UBE2Q2: variants seen among roughly 807,000 people sequenced by gnomAD.
The protein encoded by UBE2Q2 is ubiquitin conjugating enzyme E2 Q2.
A neutral mutation model predicts 59.9 loss-of-function variants in UBE2Q2; 54 were observed. That is an observed-to-expected ratio of 0.90 (90% CI 0.72 to 1.13). UBE2Q2 has a LOEUF of 1.13. Among genes scored for constraint, UBE2Q2 ranks in the 50% most tolerant of loss-of-function variants. UBE2Q2 has a pLI of 0.00. For missense variants in UBE2Q2, 433 were observed against 441.9 expected (o/e 0.98, Z 0.18); for synonymous variants, 165 against 155.2 (o/e 1.06, Z -0.47).
intron 2 of UBE2Q2, among the ~76,000 whole-genome samples, chr15:75,856,259 G>A (rs1896900679): frequency 9.8e-6 from 1 of 102,182 alleles, no homozygotes; most frequent in African/African-American, 3.9e-5. Context: ...GTGTGTGTGT[G>A]TGTGTGTGTG....
chr15:75,876,125 G>C, intron 5 of UBE2Q2, 62 bp from the exon 6 acceptor site: 1 of 1,495,520 alleles, frequency 6.7e-7, no homozygotes, highest in Non-Finnish European at 9.2e-7. Context: ...TTTTAGATCA[G>C]GTTGAAATAT....
At chr15:75,853,178 A>T (rs1195663568) in intron 1 of UBE2Q2, among the ~76,000 whole-genome samples, 1 of 152,196 alleles carries the variant, frequency 6.6e-6, no homozygotes. Flanking sequence ...ATTGTGTTTT[A>T]AAAAAGATAT....
At chr15:75,881,411 G>A (rs1243502083) in intron 8 of UBE2Q2, among the ~76,000 whole-genome samples, 11 of 152,048 alleles carry the variant, frequency 7.2e-5, no homozygotes, top group African/African-American at 2.4e-4. Context: ...GGGAGGGGAC[G>A]ATCTGGGAGG....
At chr15:75,890,830 G>A (rs1899057039) in intron 10 of UBE2Q2, 89 bp from the exon 11 acceptor site, 2 of 1,062,018 alleles carry the variant, frequency 1.9e-6, no homozygotes, top group Non-Finnish European at 2.8e-6. Flanking sequence ...CTGATTTGCT[G>A]CTGTTGAGTT....
chr15:75,873,555 A>C lies in UBE2Q2; in HGVS notation c.575A>C (p.Gln192Pro), dbSNP rs1567030708. Residue 192 changes from glutamine to proline, a missense_variant, in exon 5 of 13, where the codon CAA becomes CCA. Gln to Pro is a moderately conservative substitution (Grantham distance 76, BLOSUM62 -1). Coordinates refer to ENST00000267938, the MANE Select transcript of UBE2Q2 (RefSeq NM_173469.4). ...GAGAAAATTAGGAAGACTCAAAGGC[A>C]AGACCATTTAAATGTAAGTGTGTGT... ...ILEKIRKTQRQDHLNGAVSGS... is the reference protein window; with the variant it reads ...ILEKIRKTQRPDHLNGAVSGS... 2 of 1,612,528 alleles carry C rather than the reference A, an allele frequency of 1.2e-6. No homozygotes were observed. The highest frequency in any genetic ancestry group is 1.7e-6 in the Non-Finnish European group (2 of 1,179,562).
chr15:75,890,333 C>T (rs868213707), intron 9 of UBE2Q2, 102 bp from the exon 10 acceptor site: 2 of 812,730 alleles, frequency 2.5e-6, no homozygotes, highest in Non-Finnish European at 4.0e-6. Flanking sequence ...GTTATTTTCT[C>T]ATCCTTACTT....
intron 3 of UBE2Q2, among the ~76,000 whole-genome samples, chr15:75,868,486 A>G (rs1897621820): frequency 6.6e-6 from 1 of 152,220 alleles, no homozygotes; most frequent in South Asian, 2.1e-4. Context: ...TATTATCAAT[A>G]ACACATCTGA....
At chr15:75,888,388 TAAATC>T (rs1898907954) in intron 9 of UBE2Q2, among the ~76,000 whole-genome samples, 1 of 152,226 alleles carries the variant, frequency 6.6e-6, no homozygotes, top group South Asian at 2.1e-4. Context: ...CAGTGATTTT[TAAATC>T]AAATATCTGA....
rs527764278 is a variant in UBE2Q2 at position 75,876,379 on chromosome 15, G to A, written c.673+108G>A. On this transcript the variant is annotated intron_variant, in intron 6 of 12. Transcript: ENST00000267938. The stretch of plus-strand genomic sequence containing the variant: ...TGGACAGAAATGGAAATGTTTACTA[G>A]CTTTATTTCAGGAATGTGAAACTCA... 112 of 984,708 alleles carry A rather than the reference G, an allele frequency of 1.1e-4. No homozygotes were observed. The African/African-American group carries it at 1.7e-3, about 15-fold the overall frequency. 61.0% of individuals were successfully genotyped at this position (984,708 alleles called of 1,614,324 possible). A position where few individuals can be genotyped will look rare whatever the true frequency, so the allele number is the denominator to read the frequency against.
intron 9 of UBE2Q2, among the ~76,000 whole-genome samples, chr15:75,885,509 C>G (rs1015894175): frequency 1.3e-5 from 2 of 152,152 alleles, no homozygotes; most frequent in Non-Finnish European, 2.9e-5. Context: ...TTCTTGGAGG[C>G]TTAATGCTGT....
intron 5 of UBE2Q2, among the ~76,000 whole-genome samples, chr15:75,875,080 TTA>T (rs576606365): frequency 9.8e-4 from 150 of 152,330 alleles, no homozygotes; most frequent in Admixed American, 2.7e-3. Context: ...TGACTGTACT[TTA>T]TGTCTTGTGA....
chr15:75,899,455 C>T lies in UBE2Q2; in HGVS notation c.1125C>T (p.Gly375=), dbSNP rs1899636026. 6.3e-7 allele frequency: 1 copy of T among 1,591,398 alleles called. No homozygotes were observed. The highest frequency in any genetic ancestry group is 1.1e-5 in the South Asian group (1 of 87,790). Reference sequence around the variant, plus strand: ...GGTACACCCCTCCAAAGGAAGATGGCTAAATGTGTTGACTGTTGTATGTTT... The same window carrying T: ...GGTACACCCCTCCAAAGGAAGATGGTTAAATGTGTTGACTGTTGTATGTTT... ...NGWYTPPKED[G] The change falls in exon 13 of 13, where the codon GGC becomes GGT. Residue 375 remains glycine (G), a synonymous_variant. Transcript: ENST00000267938.
At chr15:75,893,759 T>C (rs1040638944) in intron 11 of UBE2Q2, among the ~76,000 whole-genome samples, 7 of 152,134 alleles carry the variant, frequency 4.6e-5, no homozygotes, top group African/African-American at 4.8e-5. Flanking sequence ...TAGAAGGCAA[T>C]AATGAAGAGA....
chr15:75,889,935 C>T (rs1898998775), intron 9 of UBE2Q2, among the ~76,000 whole-genome samples: 1 of 152,134 alleles, frequency 6.6e-6, no homozygotes, highest in Non-Finnish European at 1.5e-5. Context: ...GAGAGAAGCT[C>T]CATGGTCAGA....
intron 1 of UBE2Q2, among the ~76,000 whole-genome samples, chr15:75,853,480 G>GA (rs997489923): frequency 2.7e-5 from 4 of 145,512 alleles, no homozygotes; most frequent in East Asian, 2.0e-4. Context: ...AGGAAAAAAA[G>GA]AAAAAAAAAT....
At chr15:75,879,868 A>G (rs968966203) in intron 8 of UBE2Q2, among the ~76,000 whole-genome samples, 5 of 152,158 alleles carry the variant, frequency 3.3e-5, no homozygotes, top group Non-Finnish European at 7.3e-5. Flanking sequence ...AAAGAGGAAA[A>G]CTGTCCAAGA....
At chr15:75,886,857 C>T (rs1350131162) in intron 9 of UBE2Q2, among the ~76,000 whole-genome samples, 2 of 151,518 alleles carry the variant, frequency 1.3e-5, no homozygotes, top group Non-Finnish European at 2.9e-5. Context: ...GGCGAGAGTC[C>T]GTCTCAAATT....
chr15:75,897,795 T>C (rs335691), intron 12 of UBE2Q2, among the ~76,000 whole-genome samples: 149,649 of 152,062 alleles, frequency 0.98, 73,680 homozygotes, highest in East Asian at 1. Context: ...CTCAGTCTCC[T>C]CAGTAGCTTG....
At chr15:75,854,989 G>A (rs892380080) in intron 2 of UBE2Q2, among the ~76,000 whole-genome samples, 7 of 152,066 alleles carry the variant, frequency 4.6e-5, no homozygotes, top group Non-Finnish European at 4.4e-5. Flanking sequence ...TAAAACTCAT[G>A]AGCAAGCATT....
Sources: gnomAD v4.1 joint callset for allele counts (sites outside exome capture counted in the v4.1 genomes callset) on GRCh38, gnomAD v4.1.1 for gene constraint, MANE v1.5 for transcripts, NCBI Gene and HGNC (gene_info 2026-07-23, HGNC 2026-07-21) for gene names.